Variants in LSM14A observed in about 807,000 individuals in gnomAD.
LSM14A encodes the protein protein LSM14 homolog A.
LSM14A carries 14 observed loss-of-function variants against 52.4 expected under a neutral mutation model. The observed-to-expected ratio is 0.27, with a 90% CI of 0.18 to 0.42. The LOEUF is 0.42. LSM14A is among the 10% of genes least tolerant of loss of function. The pLI is 1.00. For synonymous variants in LSM14A, 185 were observed against 200.3 expected, an observed-to-expected ratio of 0.92 and a Z score of 0.64; for missense variants, 417 against 581.8, an observed-to-expected ratio of 0.72 and a Z score of 2.91.
intron 3 of LSM14A, among the ~76,000 whole-genome samples, chr19:34,207,825 G>A (rs973562138): frequency 3.9e-5 from 6 of 151,996 alleles, no homozygotes; most frequent in Non-Finnish European, 8.8e-5. Flanking sequence ...CACTGCGCCC[G>A]GCCCTAAAGC....
intron 4 of LSM14A, among the ~76,000 whole-genome samples, chr19:34,214,277 T>C (rs894559066): frequency 6.6e-6 from 1 of 151,454 alleles, no homozygotes; most frequent in African/African-American, 2.4e-5. Context: ...CCTATCTAAC[T>C]TTGTAGTTCT....
intron 1 of LSM14A, among the ~76,000 whole-genome samples, chr19:34,178,279 T>C: frequency 6.6e-6 from 1 of 152,178 alleles, no homozygotes; most frequent in East Asian, 1.9e-4. Flanking sequence ...TGCTGTGAAA[T>C]GGTCGATGTG....
At chr19:34,180,178 C>T (rs1340501051) in intron 1 of LSM14A, among the ~76,000 whole-genome samples, 2 of 152,206 alleles carry the variant, frequency 1.3e-5, no homozygotes, top group African/African-American at 4.8e-5. Context: ...CTTGGCCTCC[C>T]AAAGTGCTGG....
chr19:34,174,309 C>A (rs2068928632), intron 1 of LSM14A, among the ~76,000 whole-genome samples: 1 of 152,146 alleles, frequency 6.6e-6, no homozygotes, highest in African/African-American at 2.4e-5. Flanking sequence ...GGTAGGGAAC[C>A]TTTTGATGTT....
At chr19:34,227,072 T>C (rs559536659) in intron 9 of LSM14A, among the ~76,000 whole-genome samples, 25 of 152,200 alleles carry the variant, frequency 1.6e-4, no homozygotes, top group Non-Finnish European at 2.9e-4. Context: ...ATCACTGCTT[T>C]TAAAAAATTA....
At chr19:34,225,510 C>T (rs763780478) in intron 9 of LSM14A, among the ~76,000 whole-genome samples, 3 of 152,160 alleles carry the variant, frequency 2.0e-5, no homozygotes, top group Non-Finnish European at 4.4e-5. Flanking sequence ...ATTTTTTGTG[C>T]TATATTAGCA....
rs1420242970 is a variant in LSM14A, at chr19:34,219,792, G to T, written c.1051G>T (p.Ala351Ser). The change falls in exon 8 of 10, where the codon GCC becomes TCC. Residue 351 changes from alanine to serine, a missense_variant. Ala to Ser is a moderately conservative substitution (Grantham distance 99, BLOSUM62 1). This residue lies in a region of LSM14A where 357 missense variants were observed against 457.0 expected (regional missense o/e 0.78). Coordinates refer to ENST00000544216, the MANE Select transcript of LSM14A (RefSeq NM_015578.4). The part of the protein sequence containing the change: ...GVDTQNSEGN[A>S]DEEDPLGPNC... ...TGATACCCAAAACAGTGAAGGAAAT[G>T]CCGATGAAGAAGATCCACTTGGACC... The T allele has an allele frequency of 1.2e-6, 2 of 1,613,374 alleles. No individual in the cohort carries two copies. Among genetic ancestry groups the T allele is most frequent in the Non-Finnish European group, 1.7e-6 (2 of 1,179,426 alleles).
At chr19:34,223,942 G>C (rs899631982) in intron 9 of LSM14A, among the ~76,000 whole-genome samples, 1 of 152,188 alleles carries the variant, frequency 6.6e-6, no homozygotes, top group African/African-American at 2.4e-5. Context: ...GTCTGACCTG[G>C]TTAAAACATA....
chr19:34,216,335 C>G (rs1213521230), intron 6 of LSM14A, among the ~76,000 whole-genome samples: 1 of 151,176 alleles, frequency 6.6e-6, no homozygotes, highest in Non-Finnish European at 1.5e-5. Flanking sequence ...ATGGCGTGAA[C>G]TGGGGAGGTG....
intron 1 of LSM14A, among the ~76,000 whole-genome samples, chr19:34,186,018 A>G (rs1310164080): frequency 1.3e-5 from 2 of 152,216 alleles, no homozygotes; most frequent in East Asian, 3.8e-4. Context: ...CTTGGTATTA[A>G]ACACTGTTCA....
In LSM14A at chr19:34,227,702, GT is replaced by G. The variant is rs918947402; in HGVS notation, c.*326del. On this transcript the variant is annotated 3_prime_UTR_variant, in exon 10 of 10. Transcript: ENST00000544216. Reference sequence around the variant, plus strand: ...ACAAGTATTTTTTCATCACTGAAAGGTTTTTTTTTTTTATCACTAAATTGTA... The same window carrying G: ...ACAAGTATTTTTTCATCACTGAAAGGTTTTTTTTTTTATCACTAAATTGTA... 5,083 of 223,144 alleles carry G rather than the reference GT, an allele frequency of 0.023. 1 individual carries two copies. The highest frequency in any genetic ancestry group is 0.041 in the Middle Eastern group (28 of 678). The allele number at this position is 223,144 out of a possible 1,614,324, so 13.8% of individuals were successfully genotyped here.
At chr19:34,195,037 G>A (rs905437051) in intron 2 of LSM14A, among the ~76,000 whole-genome samples, 5 of 151,836 alleles carry the variant, frequency 3.3e-5, no homozygotes, top group South Asian at 4.2e-4. Flanking sequence ...TCTAGGATCC[G>A]TGCTACCATG....
chr19:34,176,776 T>G (rs2069116342), intron 1 of LSM14A, among the ~76,000 whole-genome samples: 1 of 152,248 alleles, frequency 6.6e-6, no homozygotes, highest in South Asian at 2.1e-4. Context: ...TTATTTCGTT[T>G]TCTTGAGATT....
At chr19:34,195,609 C>G (rs1331013056) in intron 2 of LSM14A, among the ~76,000 whole-genome samples, 1 of 152,204 alleles carries the variant, frequency 6.6e-6, no homozygotes, top group Admixed American at 6.5e-5. Flanking sequence ...TGGAGAAATT[C>G]TCTACTCTCA....
chr19:34,219,626 C>T lies in LSM14A; in HGVS notation c.964+53C>T, dbSNP rs538565321. 43 of 1,570,512 alleles carry T rather than the reference C, an allele frequency of 2.7e-5. No homozygotes were observed. The African/African-American group carries it at 4.4e-4, about 16-fold the overall frequency. ...ATAATCTTATTTGATCTGTGAATTA[C>T]AGATGTTTCTCAGATTAGGTGTTTT... is the stretch of plus-strand genomic sequence containing the variant. On this transcript the variant is annotated intron_variant, in intron 7 of 9. Transcript: ENST00000544216.
At chr19:34,197,170 C>T (rs2070905791) in intron 3 of LSM14A, among the ~76,000 whole-genome samples, 1 of 152,150 alleles carries the variant, frequency 6.6e-6, no homozygotes, top group Non-Finnish European at 1.5e-5. Flanking sequence ...TGGCTCACTA[C>T]AACTTCCACC....
intron 2 of LSM14A, 53 bp downstream of exon 2, chr19:34,194,694 G>A: frequency 6.4e-7 from 1 of 1,566,792 alleles, no homozygotes; most frequent in Non-Finnish European, 8.8e-7. Flanking sequence ...CACAGGGTTA[G>A]CCTTGGCTTT....
At chr19:34,202,731 T>C (rs768682967) in intron 3 of LSM14A, among the ~76,000 whole-genome samples, 2 of 152,174 alleles carry the variant, frequency 1.3e-5, no homozygotes, top group Non-Finnish European at 2.9e-5. Flanking sequence ...CTCCGCTCAC[T>C]GCAAGCTCCA....
In LSM14A at chr19:34,228,676, GTTT is replaced by G. The variant is rs1201264104; in HGVS notation, c.*1291_*1293del. On this transcript the variant is annotated 3_prime_UTR_variant, in exon 10 of 10. Coordinates refer to ENST00000544216, the MANE Select transcript of LSM14A (RefSeq NM_015578.4). Reference sequence around the variant, plus strand: ...GTGGGAAAAATCTGGCCACTTTTGTGTTTTTATGAAGGCCATGGAATAAAAGGA... The same window carrying G: ...GTGGGAAAAATCTGGCCACTTTTGTGTTATGAAGGCCATGGAATAAAAGGA... The G allele has an allele frequency of 9.2e-5, 14 of 152,518 alleles. No individual in the cohort carries two copies. The allele number at this position is 152,518 out of a possible 1,614,324, so 9.4% of individuals were successfully genotyped here.
Sources: allele counts gnomAD v4.1 joint callset (sites outside exome capture counted in the v4.1 genomes callset), GRCh38; gene constraint gnomAD v4.1.1; regional missense constraint gnomAD v4.1.1; transcripts MANE v1.5; gene names NCBI Gene and HGNC (gene_info 2026-07-23, HGNC 2026-07-21).